Variants in AK3 observed in about 807,000 individuals in gnomAD.
AK3 encodes GTP:AMP phosphotransferase AK3, mitochondrial.
Under a neutral mutation model 23.7 loss-of-function variants are expected in AK3, and 27 were observed. The observed-to-expected ratio is 1.14, with a 90% CI of 0.84 to 1.57. AK3 has a LOEUF of 1.57. Ranked by LOEUF, AK3 falls within the 40% of genes most tolerant of loss-of-function variation. AK3 has a pLI of 0.00. For synonymous variants in AK3, 159 were observed against 116.0 expected, an observed-to-expected ratio of 1.37 and a Z score of -2.38; for missense variants, 406 against 285.6, an observed-to-expected ratio of 1.42 and a Z score of -3.04.
intron 4 of AK3, among the ~76,000 whole-genome samples, chr9:4,716,060 A>G (rs1213832601): frequency 6.6e-6 from 1 of 152,196 alleles, no homozygotes; most frequent in African/African-American, 2.4e-5. Context: ...GACTGAAGCC[A>G]GCACAGGACA....
chr9:4,726,302 T>G (rs936982527), intron 1 of AK3, among the ~76,000 whole-genome samples: 3 of 152,164 alleles, frequency 2.0e-5, no homozygotes, highest in Admixed American at 6.5e-5. Flanking sequence ...CACCAAAAAC[T>G]TCTCTGTAGC....
intron 1 of AK3, among the ~76,000 whole-genome samples, chr9:4,739,802 G>A (rs535237959): frequency 1.3e-4 from 20 of 152,128 alleles, no homozygotes; most frequent in African/African-American, 4.6e-4. Context: ...GTGGTGGCAT[G>A]CGCCTGTAGT....
At position 4,715,946 on chromosome 9, in the gene AK3, C is replaced by G. The variant is rs182528215; in HGVS notation, c.563+2473G>C. On this transcript the variant is annotated intron_variant, in intron 4 of 4. Transcript: ENST00000381809. ...GATCAGAGCTAATCGGTGCCGACCC[C>G]AAGACTTTTGCTGGCAAAAGAGGCT... 7.2e-5 allele frequency among the ~76,000 whole-genome samples: 11 copies of G among 152,238 alleles called. No homozygotes were observed. The East Asian group carries it at 1.7e-3, about 24-fold the overall frequency.
intron 4 of AK3, among the ~76,000 whole-genome samples, chr9:4,714,065 C>CATCT (rs1328648530): frequency 1.9e-4 from 4 of 21,506 alleles, no homozygotes; most frequent in Non-Finnish European, 2.3e-4. Context: ...TACACATATA[C>CATCT]ACACCTACAC....
At position 4,712,927 on chromosome 9, in the gene AK3, G is replaced by A. The variant is rs373524316; in HGVS notation, c.*49C>T. 7.7e-5 allele frequency: 122 copies of A among 1,592,294 alleles called. No individual in the cohort carries two copies. The highest frequency in any genetic ancestry group is 1.0e-4 in the Admixed American group (6 of 58,282). ...AGGAAAAGCAGCTTCTAAATGCAAG[G>A]ACTAGGAGGTTTGCCCATCTTACTA... is the stretch of plus-strand genomic sequence containing the variant. On this transcript the variant is annotated 3_prime_UTR_variant, in exon 5 of 5. Coordinates refer to ENST00000381809, the MANE Select transcript of AK3 (RefSeq NM_016282.4).
At chr9:4,735,628 C>A (rs1209348084) in intron 1 of AK3, among the ~76,000 whole-genome samples, 2 of 149,370 alleles carry the variant, frequency 1.3e-5, no homozygotes, top group Admixed American at 6.8e-5. Flanking sequence ...CCATACCCAA[C>A]TAATTTTATT....
intron 4 of AK3, among the ~76,000 whole-genome samples, chr9:4,716,696 C>T (rs779569759): frequency 6.6e-6 from 1 of 152,116 alleles, no homozygotes; most frequent in African/African-American, 2.4e-5. Context: ...TTTGGGAGGC[C>T]GAGGCAGGAG....
chr9:4,712,875 A>AT lies in AK3; in HGVS notation c.*100_*101insA. ...TAGAAATAAAAGTAATATAATTTTC[A>AT]AAGAATTCATACATACTAGAAGTCT... is the stretch of plus-strand genomic sequence containing the variant. On this transcript the variant is annotated 3_prime_UTR_variant, in exon 5 of 5. Transcript: ENST00000381809. 1 of 1,315,618 alleles carries AT rather than the reference A, an allele frequency of 7.6e-7. No individual in the cohort carries two copies. Among genetic ancestry groups the AT allele is most frequent in the East Asian group, 2.4e-5 (1 of 42,448 alleles). The allele number at this position is 1,315,618 out of a possible 1,614,324, so 81.5% of individuals were successfully genotyped here.
At chr9:4,727,357 G>C (rs1260379282) in intron 1 of AK3, among the ~76,000 whole-genome samples, 1 of 152,172 alleles carries the variant, frequency 6.6e-6, no homozygotes, top group Non-Finnish European at 1.5e-5. Context: ...TGTTAGTGTA[G>C]ACACCTTCAT....
chr9:4,722,387 CA>C, intron 2 of AK3, 118 bp downstream of exon 2: 1 of 1,433,920 alleles, frequency 7.0e-7, no homozygotes, highest in Non-Finnish European at 9.5e-7. Flanking sequence ...AGGATAGTCC[CA>C]AGCACCCCTC....
chr9:4,738,054 G>A (rs117296974), intron 1 of AK3, among the ~76,000 whole-genome samples: 586 of 152,292 alleles, frequency 3.8e-3, no homozygotes, highest in Non-Finnish European at 7.2e-3. Flanking sequence ...GCAAAGATTT[G>A]CCAAATGTTT....
intron 4 of AK3, 35 bp downstream of exon 4, chr9:4,718,384 C>T: frequency 6.7e-7 from 1 of 1,491,024 alleles, no homozygotes; most frequent in South Asian, 1.1e-5. Flanking sequence ...TAGTGCACCA[C>T]TACGCAAGAG....
At chr9:4,723,384 C>A (rs997033526) in intron 1 of AK3, among the ~76,000 whole-genome samples, 1 of 152,100 alleles carries the variant, frequency 6.6e-6, no homozygotes, top group Non-Finnish European at 1.5e-5. Context: ...GAGACTTTTC[C>A]AATCCTGTAA....
intron 1 of AK3, among the ~76,000 whole-genome samples, chr9:4,732,618 A>G (rs1842180707): frequency 6.6e-6 from 1 of 152,260 alleles, no homozygotes; most frequent in Non-Finnish European, 1.5e-5. Flanking sequence ...AGAGAAAAAT[A>G]GGGAAACTCA....
intron 1 of AK3, among the ~76,000 whole-genome samples, chr9:4,730,070 G>C (rs1487678004): frequency 2.0e-5 from 3 of 152,136 alleles, no homozygotes; most frequent in Admixed American, 2.0e-4. Context: ...AAAGAAGCCA[G>C]ACACAAAAGA....
chr9:4,729,017 T>TA lies in AK3; in HGVS notation c.152-6393_152-6392insT, dbSNP rs1563793542. The stretch of plus-strand genomic sequence containing the variant: ...CACACACATATATATATATATATAT[T>TA]TTTTTTTTTTGAGACGGAATTTTGC... On this transcript the variant is annotated intron_variant, in intron 1 of 4. Transcript: ENST00000381809. Among the ~76,000 whole-genome samples the TA allele has an allele frequency of 7.4e-3, 900 of 122,092 alleles. 27 individuals carry two copies. Among genetic ancestry groups the TA allele is most frequent in the African/African-American group, 0.023 (780 of 34,466 alleles). 80.1% of individuals were successfully genotyped at this position (122,092 alleles called of 152,430 possible). A position where few individuals can be genotyped will look rare whatever the true frequency, so the allele number is the denominator to read the frequency against.
chr9:4,734,196 G>A (rs572461659), intron 1 of AK3, among the ~76,000 whole-genome samples: 23 of 152,306 alleles, frequency 1.5e-4, no homozygotes, highest in Non-Finnish European at 2.9e-5. Flanking sequence ...TGCTTACAGA[G>A]GAAAGGCCAT....
intron 2 of AK3, among the ~76,000 whole-genome samples, chr9:4,720,527 C>A (rs1841867345): frequency 6.6e-6 from 1 of 151,712 alleles, no homozygotes; most frequent in Admixed American, 6.6e-5. Context: ...CTATAAATAA[C>A]AACGACAACA....
intron 1 of AK3, among the ~76,000 whole-genome samples, chr9:4,736,938 A>T (rs978200004): frequency 6.6e-6 from 1 of 152,100 alleles, no homozygotes; most frequent in African/African-American, 2.4e-5. Context: ...TTGGCCTCCC[A>T]AAGTGTTGAG....
Sources: allele counts gnomAD v4.1 joint callset (sites outside exome capture counted in the v4.1 genomes callset), GRCh38; gene constraint gnomAD v4.1.1; transcripts MANE v1.5; gene names NCBI Gene and HGNC (gene_info 2026-07-23, HGNC 2026-07-21).